ANKS1A: variants seen among roughly 807,000 people sequenced by gnomAD.
The protein encoded by ANKS1A is ankyrin repeat and SAM domain-containing protein 1A.
Under a neutral mutation model 120.3 loss-of-function variants are expected in ANKS1A, and 55 were observed. That is an observed-to-expected ratio of 0.46 (90% CI 0.37 to 0.57). ANKS1A has a LOEUF of 0.57. Ranked by LOEUF, ANKS1A falls within the 20% of genes least tolerant of loss-of-function variation. ANKS1A has a pLI of 0.00. For missense variants in ANKS1A, 1,123 were observed against 1,480.3 expected (o/e 0.76, Z 3.96); for synonymous variants, 590 against 604.7 (o/e 0.98, Z 0.36).
intron 11 of ANKS1A, chr6:35,023,896 A>G (rs1418961709): frequency 1.3e-5 from 2 of 155,590 alleles, no homozygotes; most frequent in Non-Finnish European, 2.9e-5. Context: ...ATATTTCATA[A>G]TATAATTTCC....
rs1161308259 is a variant in ANKS1A at position 35,084,103 on chromosome 6, C to CA, written c.2995-17dup. 9 of 1,613,626 alleles carry CA rather than the reference C, an allele frequency of 5.6e-6. No individual in the cohort carries two copies. In the South Asian group the frequency reaches 9.9e-5, roughly 18 times the overall value. The stretch of plus-strand genomic sequence containing the variant: ...ATGCCTGAGCCTGAGAATTCCAGAA[C>CA]ACGGCTTTCCCCAGCAGAACGTCAT... On this transcript the variant is annotated splice_polypyrimidine_tract_variant and intron_variant, in intron 20 of 23. Coordinates refer to ENST00000360359, the MANE Select transcript of ANKS1A (RefSeq NM_015245.3). The surrounding 1 kb of genome is among the most constrained non-coding windows in gnomAD (Gnocchi z 4.8).
chr6:35,003,942 C>T (rs976956707), intron 10 of ANKS1A, among the ~76,000 whole-genome samples: 5 of 152,194 alleles, frequency 3.3e-5, no homozygotes, highest in African/African-American at 1.2e-4. Flanking sequence ...AACCAAGGAA[C>T]CAGACCTGAA....
chr6:34,970,203 C>A (rs1485892464), intron 3 of ANKS1A, 37 bp downstream of exon 3: 4 of 1,585,528 alleles, frequency 2.5e-6, no homozygotes, highest in South Asian at 1.1e-5. Context: ...CTCCATTCAG[C>A]TATAGCCAGA....
chr6:34,967,928 A>G (rs1180037195), intron 2 of ANKS1A, among the ~76,000 whole-genome samples: 1 of 151,884 alleles, frequency 6.6e-6, no homozygotes, highest in Non-Finnish European at 1.5e-5. Flanking sequence ...TGTTCTAGGT[A>G]TGATGATCAA....
chr6:35,038,036 C>T (rs563617267), intron 11 of ANKS1A, among the ~76,000 whole-genome samples: 2 of 152,024 alleles, frequency 1.3e-5, no homozygotes, highest in Non-Finnish European at 2.9e-5. Context: ...GTCTCTTTGT[C>T]TCTTGGGGAG....
At chr6:35,012,214 G>A (rs1412208366) in intron 10 of ANKS1A, among the ~76,000 whole-genome samples, 2 of 152,182 alleles carry the variant, frequency 1.3e-5, no homozygotes, top group Admixed American at 6.5e-5. Flanking sequence ...GAAAAGTCAC[G>A]GGGCTGGAAC....
intron 1 of ANKS1A, among the ~76,000 whole-genome samples, chr6:34,963,233 A>G (rs1770737059): frequency 1.3e-5 from 2 of 152,130 alleles, no homozygotes; most frequent in Admixed American, 6.5e-5. Flanking sequence ...TCTTGAATTT[A>G]TCCCTCCTGA....
chr6:35,040,462 C>A (rs1325498192), intron 11 of ANKS1A, among the ~76,000 whole-genome samples: 4 of 152,212 alleles, frequency 2.6e-5, no homozygotes, highest in African/African-American at 9.7e-5. Flanking sequence ...CACTTATTCC[C>A]ACTTCTGGGG....
rs535388335 is a variant in ANKS1A at position 35,090,964 on chromosome 6, T to G, written c.*2355T>G. The G allele has an allele frequency of 2.7e-5, 27 of 985,834 alleles. No individual in the cohort carries two copies. The African/African-American group carries it at 4.2e-4, about 15-fold the overall frequency. 61.1% of individuals were successfully genotyped at this position (985,834 alleles called of 1,614,324 possible). A position where few individuals can be genotyped will look rare whatever the true frequency, so the allele number is the denominator to read the frequency against. On this transcript the variant is annotated 3_prime_UTR_variant, in exon 24 of 24. Transcript: ENST00000360359. Reference sequence around the variant, plus strand: ...TCCTGGGCCCTCCAGCGTCAGACACTAATGGGAGTTCCCGAGATGCTCGGG... The same window carrying G: ...TCCTGGGCCCTCCAGCGTCAGACACGAATGGGAGTTCCCGAGATGCTCGGG...
chr6:34,939,085 T>C (rs925733088), intron 1 of ANKS1A, among the ~76,000 whole-genome samples: 2 of 152,178 alleles, frequency 1.3e-5, no homozygotes, highest in Non-Finnish European at 2.9e-5. Flanking sequence ...TAATTATGAA[T>C]TTTCTAAAAA....
chr6:34,943,115 G>T (rs985837826), intron 1 of ANKS1A, among the ~76,000 whole-genome samples: 5 of 152,036 alleles, frequency 3.3e-5, no homozygotes, highest in African/African-American at 7.2e-5. Context: ...ATACAGGTGT[G>T]CATCACCATG....
At chr6:34,990,199 C>A (rs1772430672) in intron 9 of ANKS1A, among the ~76,000 whole-genome samples, 1 of 152,040 alleles carries the variant, frequency 6.6e-6, no homozygotes, top group Admixed American at 6.6e-5. Context: ...ACACATGGAA[C>A]CAGAAGGATG....
intron 1 of ANKS1A, among the ~76,000 whole-genome samples, chr6:34,936,352 G>A (rs1367908652): frequency 6.6e-6 from 1 of 152,210 alleles, no homozygotes; most frequent in East Asian, 1.9e-4. Context: ...GTGGAGGGAG[G>A]CCTTTGGAGG....
At chr6:34,896,469 T>C (rs1767090551) in intron 1 of ANKS1A, among the ~76,000 whole-genome samples, 2 of 152,162 alleles carry the variant, frequency 1.3e-5, no homozygotes, top group Non-Finnish European at 2.9e-5. Flanking sequence ...TTTTGCTTTC[T>C]CTAAAGCAGA....
At chr6:35,078,880 G>A (rs1219596647) in intron 14 of ANKS1A, among the ~76,000 whole-genome samples, 2 of 152,222 alleles carry the variant, frequency 1.3e-5, no homozygotes, top group Admixed American at 6.5e-5. Flanking sequence ...CTAGGGCAGG[G>A]AGCAGGCTCC....
intron 3 of ANKS1A, among the ~76,000 whole-genome samples, chr6:34,974,433 T>C (rs1331642003): frequency 7.3e-6 from 1 of 137,188 alleles, no homozygotes; most frequent in African/African-American, 2.7e-5. Flanking sequence ...CCCTTTCCTT[T>C]CTTTCTTTCA....
At chr6:34,994,508 A>G (rs1258719731) in intron 10 of ANKS1A, 86 bp downstream of exon 10, 1 of 1,539,962 alleles carries the variant, frequency 6.5e-7, no homozygotes, top group Non-Finnish European at 8.8e-7. Flanking sequence ...AGATGTCGTA[A>G]CTATGATATT....
chr6:35,092,581 C>T (rs1170940192), downstream of ANKS1A, among the ~76,000 whole-genome samples: 2 of 152,186 alleles, frequency 1.3e-5, no homozygotes, highest in Non-Finnish European at 1.5e-5. Context: ...TCTTCATCCC[C>T]ACATCCCTTG....
At chr6:35,061,813 G>C (rs1581718581) in intron 13 of ANKS1A, among the ~76,000 whole-genome samples, 1 of 152,196 alleles carries the variant, frequency 6.6e-6, no homozygotes, top group South Asian at 2.1e-4. Context: ...GGGGTGGAGA[G>C]GGGGCTCAGG....
Sources: gnomAD v4.1 joint callset for allele counts (sites outside exome capture counted in the v4.1 genomes callset) on GRCh38, gnomAD v4.1.1 for gene constraint, Gnocchi (gnomAD v3.1) non-coding constraint, MANE v1.5 for transcripts, NCBI Gene and HGNC (gene_info 2026-07-23, HGNC 2026-07-21) for gene names.